MBTD1: variants seen among roughly 807,000 people sequenced by gnomAD.
The protein encoded by MBTD1 is mbt domain containing 1.
A neutral mutation model predicts 87.8 loss-of-function variants in MBTD1; 24 were observed. The ratio of observed to expected loss-of-function variants is 0.27; its 90% CI spans 0.20 to 0.38. MBTD1 has a LOEUF of 0.38. MBTD1 is among the 10% of genes least tolerant of loss of function. MBTD1 has a pLI of 1.00. For synonymous variants in MBTD1, 237 were observed against 248.6 expected (o/e 0.95, Z 0.44); for missense variants, 436 against 760.2 (o/e 0.57, Z 5.02).
chr17:51,248,865 T>C, intron 2 of MBTD1, among the ~76,000 whole-genome samples: 1 of 152,222 alleles, frequency 6.6e-6, no homozygotes, highest in East Asian at 1.9e-4. Flanking sequence ...GTCCTTTTGC[T>C]TTTTGAATTT....
rs920817068 is a variant in MBTD1 at position 51,237,310 on chromosome 17, A to G, written c.-48-12101T>C. 3.3e-5 allele frequency among the ~76,000 whole-genome samples: 5 copies of G among 151,650 alleles called. No homozygotes were observed. The South Asian group carries it at 6.2e-4, about 19-fold the overall frequency. On this transcript the variant is annotated intron_variant, in intron 2 of 16. Coordinates refer to ENST00000586178, the MANE Select transcript of MBTD1 (RefSeq NM_017643.3). Reference sequence around the variant, plus strand: ...GACTCCATCTCAAAAAAAAAAAAAAAAAAAAGAAAAAGAAAAAATTTCATA... The same window carrying G: ...GACTCCATCTCAAAAAAAAAAAAAAGAAAAAGAAAAAGAAAAAATTTCATA...
At position 51,179,484 on chromosome 17, in the gene MBTD1, TTATATATATATATA is replaced by T. The variant is rs56750454; in HGVS notation, c.*1078_*1091del. ...ATCCTGAATACAATTAAAGACAATT[TTATATATATATATA>T]TATATATATATATATATATATATAT... On this transcript the variant is annotated 3_prime_UTR_variant, in exon 17 of 17. Coordinates refer to ENST00000586178, the MANE Select transcript of MBTD1 (RefSeq NM_017643.3). 260 of 35,276 alleles carry T rather than the reference TTATATATATATATA, an allele frequency of 7.4e-3. 7 individuals are homozygous for T. Among genetic ancestry groups the T allele is most frequent in the South Asian group, 0.023 (21 of 912 alleles). The allele number at this position is 35,276 out of a possible 1,614,324, so 2.2% of individuals were successfully genotyped here. A position where few individuals can be genotyped will look rare whatever the true frequency, so the allele number is the denominator to read the frequency against.
Position 51,192,255 on chromosome 17 carries a change from T to A in MBTD1, c.1716A>T (p.Ser572=). The A allele has an allele frequency of 1.3e-6, 2 of 1,551,288 alleles. No homozygotes were observed. The highest frequency in any genetic ancestry group is 1.7e-6 in the Non-Finnish European group (2 of 1,146,776). Residue 572 remains serine (S), a synonymous_variant, in exon 16 of 17, where the codon TCA becomes TCT. Transcript: ENST00000586178. Reference sequence around the variant, plus strand: ...ACTTAGCCTTTTTCTTCTGTTTTGATGAAGCTGATTGGTTTTCTCTTGATG... The same window carrying A: ...ACTTAGCCTTTTTCTTCTGTTTTGAAGAAGCTGATTGGTTTTCTCTTGATG... ...SQSSRENQSA[S]SKQKKKAKSQ... is the part of the protein sequence containing the mutation.
At chr17:51,220,665 G>A (rs1396283152) in intron 3 of MBTD1, among the ~76,000 whole-genome samples, 1 of 152,150 alleles carries the variant, frequency 6.6e-6, no homozygotes, top group Non-Finnish European at 1.5e-5. Context: ...CATGGTGATG[G>A]GCTCTATAAG....
intron 12 of MBTD1, among the ~76,000 whole-genome samples, chr17:51,201,144 C>A (rs2051466375): frequency 6.6e-6 from 1 of 151,740 alleles, no homozygotes; most frequent in South Asian, 2.1e-4. Context: ...AATGAACAAA[C>A]AAACAAAAAA....
At position 51,197,097 on chromosome 17, in the gene MBTD1, T is replaced by C. The variant is rs1293119554; in HGVS notation, c.1225-1736A>G. Among the ~76,000 whole-genome samples the C allele has an allele frequency of 2.7e-4, 6 of 22,256 alleles. 1 individual carries two copies. The South Asian group carries it at 5.8e-3, about 22-fold the overall frequency. The allele number at this position is 22,256 out of a possible 152,430, so 14.6% of individuals were successfully genotyped here. On this transcript the variant is annotated intron_variant, in intron 12 of 16. Coordinates refer to ENST00000586178, the MANE Select transcript of MBTD1 (RefSeq NM_017643.3). ...ATATATATATATATATATATATATA[T>C]ATATATATATATATATATATGGAGG...
intron 12 of MBTD1, among the ~76,000 whole-genome samples, chr17:51,197,063 T>C (rs1389456734): frequency 8.4e-4 from 1 of 1,188 alleles, no homozygotes; most frequent in South Asian, 0.042. Flanking sequence ...TATATATATA[T>C]ATATATATAT....
At chr17:51,234,400 CA>C (rs71149356) in intron 2 of MBTD1, among the ~76,000 whole-genome samples, 947 of 68,658 alleles carry the variant, frequency 0.014, 9 homozygotes, top group African/African-American at 0.035. Context: ...TCCCCGTCTC[CA>C]AAAAAAAAAA....
intron 2 of MBTD1, among the ~76,000 whole-genome samples, chr17:51,246,585 T>A (rs1165400870): frequency 6.6e-6 from 1 of 152,242 alleles, no homozygotes; most frequent in East Asian, 1.9e-4. Flanking sequence ...GCTTTCCAGA[T>A]AAACAATCAC....
intron 3 of MBTD1, among the ~76,000 whole-genome samples, chr17:51,221,860 G>C (rs2052914533): frequency 6.6e-6 from 1 of 152,128 alleles, no homozygotes; most frequent in South Asian, 2.1e-4. Context: ...TGGTATCTGA[G>C]GGAAATCTTG....
chr17:51,188,484 CAG>C (rs2050646998), intron 16 of MBTD1, among the ~76,000 whole-genome samples: 1 of 152,170 alleles, frequency 6.6e-6, no homozygotes, highest in Admixed American at 6.5e-5. Context: ...GATGAAGCAA[CAG>C]AGCCAGAATA....
chr17:51,210,126 C>G (rs1283689342), intron 6 of MBTD1, among the ~76,000 whole-genome samples: 2 of 152,114 alleles, frequency 1.3e-5, no homozygotes, highest in Non-Finnish European at 1.5e-5. Context: ...CTCAGCCTCC[C>G]GAGTAGCTGG....
chr17:51,240,861 T>A (rs1167599454), intron 2 of MBTD1, among the ~76,000 whole-genome samples: 3 of 152,162 alleles, frequency 2.0e-5, no homozygotes, highest in African/African-American at 7.2e-5. Context: ...AATTTCCTTG[T>A]TTTGGGTTTT....
chr17:51,238,215 A>AT (rs1459771463), intron 2 of MBTD1, among the ~76,000 whole-genome samples: 1 of 152,108 alleles, frequency 6.6e-6, no homozygotes, highest in Non-Finnish European at 1.5e-5. Context: ...GTGCAGTTTA[A>AT]TTTTGTCAAT....
intron 2 of MBTD1, among the ~76,000 whole-genome samples, chr17:51,231,806 T>C (rs935787609): frequency 1.4e-5 from 2 of 147,802 alleles, no homozygotes; most frequent in Non-Finnish European, 2.9e-5. Flanking sequence ...TTTTCTGAAG[T>C]GATTTTTTTT....
chr17:51,210,062 C>T (rs1018540012), intron 6 of MBTD1, among the ~76,000 whole-genome samples: 18 of 152,072 alleles, frequency 1.2e-4, no homozygotes, highest in East Asian at 3.9e-4. Context: ...AGTGAAGTGG[C>T]GCGATCTCGG....
chr17:51,255,476 A>C (rs555292726), intron 2 of MBTD1, among the ~76,000 whole-genome samples: 1 of 152,242 alleles, frequency 6.6e-6, no homozygotes, highest in African/African-American at 2.4e-5. Flanking sequence ...ATAATTAAAC[A>C]AAGATGGGTT....
At chr17:51,232,409 TC>T (rs2053596958) in intron 2 of MBTD1, among the ~76,000 whole-genome samples, 1 of 151,786 alleles carries the variant, frequency 6.6e-6, no homozygotes, top group Non-Finnish European at 1.5e-5. Context: ...TGATTAAGAA[TC>T]CCCAATACTT....
chr17:51,180,935 G>A (rs922315160), intron 16 of MBTD1, among the ~76,000 whole-genome samples: 1 of 151,810 alleles, frequency 6.6e-6, no homozygotes, highest in African/African-American at 2.4e-5. Flanking sequence ...GGGATAATGA[G>A]AATTTTGTTT....
Sources: allele counts gnomAD v4.1 joint callset (sites outside exome capture counted in the v4.1 genomes callset), GRCh38; gene constraint gnomAD v4.1.1; transcripts MANE v1.5; gene names NCBI Gene and HGNC (gene_info 2026-07-23, HGNC 2026-07-21).